Variants in KIF5B observed in about 807,000 individuals in gnomAD.
The protein encoded by KIF5B is kinesin-1 heavy chain.
In KIF5B, 49 loss-of-function variants were observed where a neutral mutation model predicts 132.8. The ratio of observed to expected loss-of-function variants is 0.37; its 90% confidence interval spans 0.29 to 0.47. The LOEUF (loss-of-function observed/expected upper bound fraction) is 0.47. KIF5B is among the 20% of genes least tolerant of loss of function. The probability of loss-of-function intolerance (pLI) is 1.00; values close to 1 mark genes in which losing one functional copy is unlikely to be tolerated. For missense variants in KIF5B, 780 were observed against 1,144.0 expected, an observed-to-expected ratio of 0.68 and a Z score of 4.59; for synonymous variants, 355 against 369.4, an observed-to-expected ratio of 0.96 and a Z score of 0.45.
At chr10:32,016,436 A>G (rs574154247) in intron 24 of KIF5B, among the ~76,000 whole-genome samples, 2 of 152,240 alleles carry the variant, frequency 1.3e-5, no homozygotes, top group Admixed American at 6.5e-5. Context: ...AGCCTGTGCA[A>G]CAAGAGTGAA....
intron 3 of KIF5B, among the ~76,000 whole-genome samples, chr10:32,040,004 G>A (rs1295868159): frequency 6.6e-6 from 1 of 152,162 alleles, no homozygotes; most frequent in South Asian, 2.1e-4. Context: ...TATCAGAGAA[G>A]AGTGACAGTT....
intron 15 of KIF5B, among the ~76,000 whole-genome samples, chr10:32,025,017 T>C (rs1407167361): frequency 6.6e-6 from 1 of 151,558 alleles, no homozygotes; most frequent in African/African-American, 2.4e-5. Context: ...GCGGAGGTTA[T>C]GGTGGGCCAA....
chr10:32,032,731 T>C lies in KIF5B; in HGVS notation c.1349A>G (p.Lys450Arg), dbSNP rs1841417186. 3 of 1,613,870 alleles carry C rather than the reference T, an allele frequency of 1.9e-6. No homozygotes were observed. Among genetic ancestry groups the C allele is most frequent in the African/African-American group, 2.7e-5 (2 of 74,936 alleles). The change falls in exon 13 of 26, where the codon AAG (lysine) becomes AGG (arginine). Residue 450 changes from lysine to arginine, a missense_variant. Physicochemically the swap from Lys to Arg is conservative, Grantham distance 26. This residue lies in a region of KIF5B where 471 missense variants were observed against 569.9 expected (regional missense o/e 0.83). Transcript: ENST00000302418. Reference sequence around the variant, plus strand: ...CTCCTCCTGATCCAACATTTGCGTCTTCAGTTTCTCTACCAGTTGACTTTG... The same window carrying C: ...CTCCTCCTGATCCAACATTTGCGTCCTCAGTTTCTCTACCAGTTGACTTTG... Reference protein sequence around the residue: ...NQQSQLVEKLKTQMLDQEELL... With the variant: ...NQQSQLVEKLRTQMLDQEELL...
intron 9 of KIF5B, 81 bp from the exon 10 acceptor site, chr10:32,035,748 C>T: frequency 1.4e-6 from 2 of 1,399,408 alleles, no homozygotes; most frequent in Admixed American, 4.2e-5. Context: ...AGACAACTAA[C>T]TTACACATAC....
At chr10:32,054,102 A>G (rs555670569) in intron 1 of KIF5B, among the ~76,000 whole-genome samples, 8 of 152,382 alleles carry the variant, frequency 5.2e-5, no homozygotes, top group African/African-American at 1.9e-4. Context: ...TGTAAACACA[A>G]AATCTGAAGA....
chr10:32,020,340 G>C (rs1158115418), intron 19 of KIF5B, among the ~76,000 whole-genome samples: 1 of 151,760 alleles, frequency 6.6e-6, no homozygotes, highest in Non-Finnish European at 1.5e-5. Flanking sequence ...CATGGTTATG[G>C]AGGCAGGGAA....
intron 12 of KIF5B, among the ~76,000 whole-genome samples, chr10:32,033,273 A>G (rs1841423712): frequency 6.6e-6 from 1 of 152,178 alleles, no homozygotes; most frequent in Non-Finnish European, 1.5e-5. Context: ...TCATTAGAAC[A>G]GGGGTCCCCA....
rs1841072445 is a variant in KIF5B at position 32,011,071 on chromosome 10, A to AAT, written c.*464_*465dup. On this transcript the variant is annotated 3_prime_UTR_variant, in exon 26 of 26. Coordinates refer to ENST00000302418, the MANE Select transcript of KIF5B (RefSeq NM_004521.3). The stretch of plus-strand genomic sequence containing the variant: ...GTAAAATTTAAAGACATTTAACCTA[A>AAT]ATGTTCCATTTTCTCTTAAGAAAAA... The AAT allele has an allele frequency of 6.6e-6, 1 of 152,178 alleles. No homozygotes were observed. Among genetic ancestry groups the AAT allele is most frequent in the Non-Finnish European group, 1.5e-5 (1 of 68,018 alleles). 9.4% of individuals were successfully genotyped at this position (152,178 alleles called of 1,614,324 possible).
chr10:32,037,279 A>C lies in KIF5B; in HGVS notation c.686T>G (p.Leu229Arg), dbSNP rs143795939. 1 of 1,613,558 alleles carries C rather than the reference A, an allele frequency of 6.2e-7. No individual in the cohort carries two copies. The highest frequency in any genetic ancestry group is 1.3e-5 in the African/African-American group (1 of 74,922). ...TEQKLSGKLY[L>R]VDLAGSEKVS... ...CTTTTCACTACCAGCTAAATCAACC[A>C]GATAAAGTTTTCCACTCAGCTTTTG... The change falls in exon 8 of 26, where the codon CTG becomes CGG. Residue 229 changes from leucine to arginine, a missense_variant. Transcript: ENST00000302418.
intron 2 of KIF5B, among the ~76,000 whole-genome samples, chr10:32,044,144 T>A (rs546128206): frequency 6.0e-4 from 92 of 152,278 alleles, no homozygotes; most frequent in African/African-American, 2.2e-3. Context: ...AGCTACTACA[T>A]GCAGTCTCCT....
At chr10:32,017,092 G>C in intron 24 of KIF5B, 51 bp downstream of exon 24, 1 of 1,438,036 alleles carries the variant, frequency 7.0e-7, no homozygotes. Flanking sequence ...TCCACTAAAT[G>C]AAAGCATTCA....
intron 10 of KIF5B, 146 bp from the exon 11 acceptor site, chr10:32,034,984 G>A (rs962019852): frequency 6.8e-5 from 35 of 513,054 alleles, no homozygotes; most frequent in African/African-American, 4.0e-5. Context: ...AACATATGAC[G>A]TTATTTACAA....
At chr10:32,020,808 T>G (rs111452713) in intron 19 of KIF5B, among the ~76,000 whole-genome samples, 57 of 152,176 alleles carry the variant, frequency 3.7e-4, no homozygotes, top group African/African-American at 1.1e-3. Flanking sequence ...TGGGGATTTT[T>G]TTCTTTTACT....
At chr10:32,032,196 A>G (rs979813154) in intron 13 of KIF5B, among the ~76,000 whole-genome samples, 3 of 152,156 alleles carry the variant, frequency 2.0e-5, no homozygotes, top group Admixed American at 2.0e-4. Context: ...TTAATGTCCT[A>G]TAATACAAAG....
In KIF5B at chr10:32,011,746, G is replaced by A. The variant is rs903025827; in HGVS notation, c.*21-230C>T. Among the ~76,000 whole-genome samples, 11 of 152,226 alleles carry A rather than the reference G, an allele frequency of 7.2e-5. No individual in the cohort carries two copies. In the East Asian group the frequency reaches 1.9e-3, roughly 27 times the overall value. ...CTGTTTAGAAGCAGTAATGTTTAAA[G>A]GGAGGTCAGCCCTCCCTTTGTTTTT... On this transcript the variant is annotated intron_variant, in intron 25 of 25. Transcript: ENST00000302418.
intron 1 of KIF5B, 27 bp from the exon 2 acceptor site, chr10:32,048,578 A>G (rs376485137): frequency 9.8e-6 from 15 of 1,528,472 alleles, no homozygotes; most frequent in Non-Finnish European, 4.5e-6. Context: ...TGTTTCAACT[A>G]TACAAATTAA....
chr10:32,024,089 G>T (rs1362129652), intron 15 of KIF5B, among the ~76,000 whole-genome samples: 69 of 105,160 alleles, frequency 6.6e-4, no homozygotes, highest in African/African-American at 2.3e-3. Flanking sequence ...AAGACACAGA[G>T]AAATAATGCA....
chr10:32,041,145 C>CAAAAAA (rs35673564), intron 2 of KIF5B, among the ~76,000 whole-genome samples: 1 of 101,744 alleles, frequency 9.8e-6, no homozygotes, highest in Non-Finnish European at 2.1e-5. Context: ...GACTCTGTCT[C>CAAAAAA]AAAAAAAAAA....
At chr10:32,012,767 A>G (rs1329298966) in intron 25 of KIF5B, among the ~76,000 whole-genome samples, 2 of 152,198 alleles carry the variant, frequency 1.3e-5, no homozygotes, top group Non-Finnish European at 2.9e-5. Flanking sequence ...TAATGTGAGG[A>G]CAATATCCAA....
Sources: gnomAD v4.1 joint callset for allele counts (sites outside exome capture counted in the v4.1 genomes callset) on GRCh38, gnomAD v4.1.1 for gene constraint, gnomAD v4.1.1 regional missense constraint, MANE v1.5 for transcripts, NCBI Gene and HGNC (gene_info 2026-07-23, HGNC 2026-07-21) for gene names.